The following ADGRL3 variants were observed in gnomAD, a reference collection of about 807,000 sequenced individuals.
ADGRL3 encodes the protein calcium-independent alpha-latrotoxin receptor 3.
ADGRL3 carries 62 observed loss-of-function variants against 153.5 expected under a neutral mutation model. That is an observed-to-expected ratio of 0.40 (90% confidence interval 0.33 to 0.50). The LOEUF (loss-of-function observed/expected upper bound fraction) is 0.50. Among genes scored for constraint, ADGRL3 ranks in the 20% least tolerant of loss-of-function variants. ADGRL3 has a pLI of 0.47. For missense variants in ADGRL3, 1,641 were observed against 1,859.4 expected, an observed-to-expected ratio of 0.88 and a Z score of 2.16; for synonymous variants, 710 against 672.5, an observed-to-expected ratio of 1.06 and a Z score of -0.86.
chr4:61,939,933 T>TA (rs975870085), intron 15 of ADGRL3, among the ~76,000 whole-genome samples: 7 of 152,006 alleles, frequency 4.6e-5, no homozygotes, highest in African/African-American at 1.7e-4. Flanking sequence ...TTTTTTTTTT[T>TA]AATTTTTTTA....
At chr4:61,542,897 T>G (rs1478218002) in intron 4 of ADGRL3, among the ~76,000 whole-genome samples, 1 of 152,322 alleles carries the variant, frequency 6.6e-6, no homozygotes, top group South Asian at 2.1e-4. Flanking sequence ...ATTTGCCATA[T>G]ACAATGTTTA....
At chr4:61,413,741 G>A (rs1249115011) in intron 2 of ADGRL3, among the ~76,000 whole-genome samples, 1 of 149,956 alleles carries the variant, frequency 6.7e-6, no homozygotes, top group African/African-American at 2.5e-5. Context: ...CTGGAAGTAT[G>A]AGTTAAACAA....
intron 21 of ADGRL3, among the ~76,000 whole-genome samples, chr4:62,008,048 T>C (rs759796024): frequency 6.6e-6 from 1 of 152,100 alleles, no homozygotes; most frequent in Non-Finnish European, 1.5e-5. Flanking sequence ...TGGGGATCTT[T>C]GGTGAACTTG....
chr4:61,812,173 T>G (rs2097635234), intron 8 of ADGRL3, among the ~76,000 whole-genome samples: 1 of 152,192 alleles, frequency 6.6e-6, no homozygotes, highest in African/African-American at 2.4e-5. Flanking sequence ...CATGAACTGC[T>G]AACAGTACAC....
At chr4:61,515,421 A>G (rs1031449991) in intron 3 of ADGRL3, among the ~76,000 whole-genome samples, 10 of 127,926 alleles carry the variant, frequency 7.8e-5, no homozygotes, top group African/African-American at 3.1e-4. Context: ...TTCATAGATT[A>G]CTCATATTTA....
rs1467535764 is a variant in ADGRL3 at position 61,856,600 on chromosome 4, CTCTCTTTTTTTTTTTTTT to C, written c.1481-36054_1481-36037del. 8.1e-3 allele frequency among the ~76,000 whole-genome samples: 190 copies of C among 23,496 alleles called. 3 individuals carry two copies. The highest frequency in any genetic ancestry group is 0.018 in the African/African-American group (179 of 10,088). The allele number at this position is 23,496 out of a possible 152,430, so 15.4% of individuals were successfully genotyped here. On this transcript the variant is annotated intron_variant, in intron 9 of 26. Transcript: ENST00000683033. ...CTCTCTCTTTTTTCTCTCTCTCTCT[CTCTCTTTTTTTTTTTTTT>C]TTTTTTTTTTTTTTTGCGATGGAGT...
chr4:61,710,143 G>A (rs924882796), intron 6 of ADGRL3, among the ~76,000 whole-genome samples: 13 of 152,176 alleles, frequency 8.5e-5, no homozygotes, highest in African/African-American at 3.1e-4. Context: ...TTTAAACGCA[G>A]TTCTGAAGTC....
intron 1 of ADGRL3, among the ~76,000 whole-genome samples, chr4:61,299,351 C>A (rs2094510355): frequency 6.6e-6 from 1 of 152,074 alleles, no homozygotes; most frequent in African/African-American, 2.4e-5. Flanking sequence ...TTTTAAATGT[C>A]TTTGATTGTG....
chr4:61,640,442 C>G (rs1252216026), intron 5 of ADGRL3, among the ~76,000 whole-genome samples: 2 of 152,084 alleles, frequency 1.3e-5, no homozygotes, highest in African/African-American at 2.4e-5. Flanking sequence ...ACCAACAGTT[C>G]CATTATGTGG....
chr4:61,655,655 A>G (rs1221950098), intron 5 of ADGRL3, among the ~76,000 whole-genome samples: 1 of 152,144 alleles, frequency 6.6e-6, no homozygotes, highest in African/African-American at 2.4e-5. Flanking sequence ...GAAGGTCGTC[A>G]TTTTTCTCTT....
chr4:61,785,089 G>C (rs1347953991), intron 8 of ADGRL3, among the ~76,000 whole-genome samples: 1 of 152,086 alleles, frequency 6.6e-6, no homozygotes. Context: ...AAATTGATAG[G>C]ATTGATAGGT....
At chr4:61,919,781 C>A (rs1560375780) in intron 13 of ADGRL3, among the ~76,000 whole-genome samples, 1 of 152,180 alleles carries the variant, frequency 6.6e-6, no homozygotes, top group East Asian at 1.9e-4. Flanking sequence ...TTCTGGGAAT[C>A]TCTCACAATT....
intron 4 of ADGRL3, among the ~76,000 whole-genome samples, chr4:61,572,187 A>G (rs960059701): frequency 1.3e-5 from 2 of 152,198 alleles, no homozygotes; most frequent in African/African-American, 4.8e-5. Flanking sequence ...AAACAAGCCC[A>G]TAAACCATAC....
chr4:62,038,715 C>T (rs928412366), intron 24 of ADGRL3, among the ~76,000 whole-genome samples: 1 of 152,114 alleles, frequency 6.6e-6, no homozygotes, highest in Non-Finnish European at 1.5e-5. Context: ...AATCTTCCCA[C>T]GTCAGCCTCC....
rs1056304101 is a variant in ADGRL3 at position 61,253,644 on chromosome 4, T to G, written c.-240+51879T>G. On this transcript the variant is annotated intron_variant, in intron 1 of 26. Coordinates refer to ENST00000683033, the MANE Select transcript of ADGRL3 (RefSeq NM_001387552.1). ...GGGGTGAGAGCCTAGAGAGCTGACA[T>G]GGACCTATTTTGTAATATGTGCACA... Among the ~76,000 whole-genome samples the G allele has an allele frequency of 2.6e-5, 4 of 151,794 alleles. No individual in the cohort carries two copies. In the South Asian group the frequency reaches 8.3e-4, roughly 32 times the overall value.
chr4:62,008,722 T>C (rs936272768), intron 21 of ADGRL3, among the ~76,000 whole-genome samples: 2 of 151,570 alleles, frequency 1.3e-5, no homozygotes, highest in African/African-American at 4.8e-5. Flanking sequence ...TATATGTATA[T>C]ATGCATGTGT....
chr4:61,262,417 C>G (rs1306949127), intron 1 of ADGRL3, among the ~76,000 whole-genome samples: 1 of 151,824 alleles, frequency 6.6e-6, no homozygotes, highest in Non-Finnish European at 1.5e-5. Flanking sequence ...ATGGTTTTAC[C>G]AGAAAAAAAT....
chr4:61,743,950 T>C (rs1486298016), intron 8 of ADGRL3, among the ~76,000 whole-genome samples: 2 of 152,196 alleles, frequency 1.3e-5, no homozygotes, highest in Non-Finnish European at 2.9e-5. Flanking sequence ...GGGACTTCCC[T>C]TTCCTAGTCA....
Position 62,011,759 on chromosome 4 carries a change from G to A in ADGRL3, c.3395+13494G>A, listed in dbSNP as rs868619560. 6.6e-5 allele frequency among the ~76,000 whole-genome samples: 10 copies of A among 152,064 alleles called. No individual in the cohort carries two copies. In the South Asian group the frequency reaches 1.0e-3, roughly 16 times the overall value. ...AACAAAACTTTTTTAAAATATAAAA[G>A]CCAATTTTTCACCAGTTAGTTATTA... On this transcript the variant is annotated intron_variant, in intron 21 of 26. Coordinates refer to ENST00000683033, the MANE Select transcript of ADGRL3 (RefSeq NM_001387552.1).
Sources: allele counts gnomAD v4.1 joint callset (sites outside exome capture counted in the v4.1 genomes callset), GRCh38; gene constraint gnomAD v4.1.1; transcripts MANE v1.5; gene names NCBI Gene and HGNC (gene_info 2026-07-23, HGNC 2026-07-21).